Variants in OXR1 observed in about 807,000 individuals in gnomAD.
OXR1 encodes the protein oxidation resistance protein 1.
OXR1 carries 41 observed loss-of-function variants against 104.6 expected under a neutral mutation model. The observed-to-expected ratio is 0.39, with a 90% CI of 0.31 to 0.51. The LOEUF (loss-of-function observed/expected upper bound fraction) is 0.51. OXR1 is among the 20% of genes least tolerant of loss of function. The probability of loss-of-function intolerance (pLI) is 0.77; values close to 1 mark genes in which losing one functional copy is unlikely to be tolerated. For missense variants in OXR1, 955 were observed against 1,031.9 expected, an observed-to-expected ratio of 0.93 and a Z score of 1.02; for synonymous variants, 348 against 348.4, an observed-to-expected ratio of 1.00 and a Z score of 0.01.
intron 2 of OXR1, among the ~76,000 whole-genome samples, chr8:106,496,677 A>G (rs1465346702): frequency 6.6e-6 from 1 of 152,208 alleles, no homozygotes; most frequent in African/African-American, 2.4e-5. Context: ...AACTACAAGG[A>G]GAGGAAGGGC....
chr8:106,658,124 G>A lies in OXR1; in HGVS notation c.221-21086G>A, dbSNP rs1303815998. On this transcript the variant is annotated intron_variant, in intron 3 of 16. Coordinates refer to ENST00000517566, the MANE Select transcript of OXR1 (RefSeq NM_001198533.2). ...ATTACCTGAGGGAGCCAGCCCAGGG[G>A]GACCTCGGGTGCGGGTCCCCGCCCC... 20 of 1,246,886 alleles carry A rather than the reference G, an allele frequency of 1.6e-5. No individual in the cohort carries two copies. In the East Asian group the frequency reaches 2.2e-4, roughly 14 times the overall value. The allele number at this position is 1,246,886 out of a possible 1,614,324, so 77.2% of individuals were successfully genotyped here.
chr8:106,713,300 AAC>A, intron 10 of OXR1, among the ~76,000 whole-genome samples: 1 of 152,070 alleles, frequency 6.6e-6, no homozygotes, highest in African/African-American at 2.4e-5. Context: ...TAGTGTAGTA[AAC>A]AAAACATTGA....
chr8:106,432,121 C>T (rs1048705568), intron 2 of OXR1, among the ~76,000 whole-genome samples: 3 of 152,106 alleles, frequency 2.0e-5, no homozygotes, highest in Non-Finnish European at 4.4e-5. Flanking sequence ...CCATTTTCAC[C>T]TGCCCTTGCT....
At position 106,515,452 on chromosome 8, in the gene OXR1, C is replaced by T. The variant is rs537173325; in HGVS notation, c.24-3491C>T. ...TTTATATCCTTTGATCAACATTATA[C>T]CCATCTAAATTCCTTATATCCTTCA... On this transcript the variant is annotated intron_variant, in intron 2 of 16. Transcript: ENST00000517566. Among the ~76,000 whole-genome samples, 16 of 152,244 alleles carry T rather than the reference C, an allele frequency of 1.1e-4. 1 individual carries two copies. In the South Asian group the frequency reaches 3.3e-3, roughly 32 times the overall value.
At chr8:106,441,091 T>C (rs898437268) in intron 2 of OXR1, among the ~76,000 whole-genome samples, 6 of 152,190 alleles carry the variant, frequency 3.9e-5, no homozygotes, top group African/African-American at 1.2e-4. Context: ...GGGTTAATTT[T>C]TGTGTAAGGT....
chr8:106,493,737 T>G (rs917479444), intron 2 of OXR1, among the ~76,000 whole-genome samples: 1 of 152,198 alleles, frequency 6.6e-6, no homozygotes, highest in African/African-American at 2.4e-5. Context: ...AGGTTATACT[T>G]GTTTACATTC....
At position 106,598,233 on chromosome 8, in the gene OXR1, AT is replaced by A. The variant is rs1414382855; in HGVS notation, c.220+79101del. The stretch of plus-strand genomic sequence containing the variant: ...GGTCAGCCTTTTCTCCCCTTTTTGA[AT>A]TTTTTTCTTGACCTTTCAAGATGAG... On this transcript the variant is annotated intron_variant, in intron 3 of 16. Coordinates refer to ENST00000517566, the MANE Select transcript of OXR1 (RefSeq NM_001198533.2). 3.3e-5 allele frequency among the ~76,000 whole-genome samples: 5 copies of A among 151,962 alleles called. No homozygotes were observed. The East Asian group carries it at 9.7e-4, about 29-fold the overall frequency.
chr8:106,588,239 A>G (rs190257336), intron 3 of OXR1, among the ~76,000 whole-genome samples: 5,728 of 152,074 alleles, frequency 0.038, 174 homozygotes, highest in Non-Finnish European at 0.061. Flanking sequence ...AATTACAGGC[A>G]TGAGCCACCG....
At chr8:106,346,960 G>GCTC (rs1815511821) in intron 1 of OXR1, among the ~76,000 whole-genome samples, 2 of 152,156 alleles carry the variant, frequency 1.3e-5, no homozygotes, top group Non-Finnish European at 2.9e-5. Context: ...GGAGAATGGC[G>GCTC]TGAACCCAGG....
At chr8:106,512,373 C>T (rs565189856) in intron 2 of OXR1, among the ~76,000 whole-genome samples, 4 of 152,278 alleles carry the variant, frequency 2.6e-5, no homozygotes, top group Admixed American at 2.6e-4. Flanking sequence ...AGGGAATATT[C>T]CCATATGCTA....
chr8:106,689,750 CTTT>C (rs1438276281), intron 6 of OXR1, among the ~76,000 whole-genome samples: 2 of 151,668 alleles, frequency 1.3e-5, no homozygotes, highest in Non-Finnish European at 2.9e-5. Context: ...ATTGTGAAAA[CTTT>C]TTTAAAAACG....
At chr8:106,621,461 A>G (rs1821691720) in intron 3 of OXR1, among the ~76,000 whole-genome samples, 1 of 152,068 alleles carries the variant, frequency 6.6e-6, no homozygotes, top group Non-Finnish European at 1.5e-5. Flanking sequence ...TAAAAAAAAC[A>G]AAAACAAAAA....
chr8:106,721,583 G>A (rs1832825924), intron 11 of OXR1, among the ~76,000 whole-genome samples: 1 of 152,016 alleles, frequency 6.6e-6, no homozygotes, highest in South Asian at 2.1e-4. Flanking sequence ...TACAGTTTTG[G>A]GGTTTTGAAA....
At chr8:106,303,446 G>C (rs187139961) in intron 1 of OXR1, among the ~76,000 whole-genome samples, 6 of 151,498 alleles carry the variant, frequency 4.0e-5, no homozygotes, top group Non-Finnish European at 8.8e-5. Flanking sequence ...CACTGTGTTA[G>C]CCAGGATGAT....
At chr8:106,522,192 ATTC>A (rs138710798) in intron 3 of OXR1, among the ~76,000 whole-genome samples, 2,134 of 152,232 alleles carry the variant, frequency 0.014, 42 homozygotes, top group African/African-American at 0.048. Context: ...AAGTACAGTT[ATTC>A]TTTAGTATTC....
chr8:106,576,126 T>C (rs1817815554), intron 3 of OXR1, among the ~76,000 whole-genome samples: 1 of 152,046 alleles, frequency 6.6e-6, no homozygotes, highest in Admixed American at 6.6e-5. Flanking sequence ...AGTCCTTATA[T>C]TATTTTTACA....
chr8:106,589,815 T>C (rs533068239), intron 3 of OXR1, among the ~76,000 whole-genome samples: 33 of 152,168 alleles, frequency 2.2e-4, no homozygotes, highest in African/African-American at 7.5e-4. Context: ...TACAGACATA[T>C]GCCACCATGC....
At chr8:106,496,902 T>C (rs1282988398) in intron 2 of OXR1, among the ~76,000 whole-genome samples, 1 of 152,140 alleles carries the variant, frequency 6.6e-6, no homozygotes, top group Non-Finnish European at 1.5e-5. Context: ...ATGCAATCTG[T>C]GACGGAGGTA....
chr8:106,682,215 T>G (rs1288293082), intron 4 of OXR1, among the ~76,000 whole-genome samples: 1 of 151,938 alleles, frequency 6.6e-6, no homozygotes, highest in Non-Finnish European at 1.5e-5. Flanking sequence ...AAATTCCTTG[T>G]GCAAAATGAC....
Sources: gnomAD v4.1 joint callset for allele counts (sites outside exome capture counted in the v4.1 genomes callset) on GRCh38, gnomAD v4.1.1 for gene constraint, MANE v1.5 for transcripts, NCBI Gene and HGNC (gene_info 2026-07-23, HGNC 2026-07-21) for gene names.